Variants in MYSM1 observed in about 807,000 individuals in gnomAD.
MYSM1 encodes the protein Myb like, SWIRM and MPN domains 1, also known as deubiquitinase MYSM1.
In MYSM1, 51 loss-of-function variants were observed where a neutral mutation model predicts 116.0. That is an observed-to-expected ratio of 0.44 (90% confidence interval 0.35 to 0.56). The LOEUF (loss-of-function observed/expected upper bound fraction) is 0.56. MYSM1 is among the 20% of genes least tolerant of loss of function. The pLI, the probability that MYSM1 is intolerant of heterozygous loss-of-function variation, is 0.00. For synonymous variants in MYSM1, 313 were observed against 315.2 expected, an observed-to-expected ratio of 0.99 and a Z score of 0.07; for missense variants, 900 against 974.9, an observed-to-expected ratio of 0.92 and a Z score of 1.02.
chr1:58,664,522 C>T lies in MYSM1; in HGVS notation c.2164+977G>A, dbSNP rs144600948. 4.8e-3 allele frequency among the ~76,000 whole-genome samples: 731 copies of T among 152,132 alleles called. 8 individuals carry two copies. Among genetic ancestry groups the T allele is most frequent in the African/African-American group, 0.016 (682 of 41,498 alleles). The stretch of plus-strand genomic sequence containing the variant: ...TAAATTGCATTAAAAGACAAAGTGA[C>T]CATGAAGGCAGGAATAAAGTGTTGC... On this transcript the variant is annotated intron_variant, in intron 17 of 19. Transcript: ENST00000472487.
chr1:58,695,408 C>A (rs1442165342), intron 1 of MYSM1, among the ~76,000 whole-genome samples: 4 of 152,174 alleles, frequency 2.6e-5, no homozygotes, highest in African/African-American at 9.7e-5. Flanking sequence ...TGCTAAGCTA[C>A]CCCATCTCAA....
rs1644485865 is a variant in MYSM1 at position 58,667,110 on chromosome 1, T to C, written c.1959A>G (p.Gly653=). The change falls in exon 16 of 20, where the codon GGA becomes GGG. Residue 653 remains glycine (G), a synonymous_variant. Coordinates refer to ENST00000472487, the MANE Select transcript of MYSM1 (RefSeq NM_001085487.3). ...CAAAAGCAGGATGAGAATGATACCATCCAATAACACTGAAGCCTCTAACAG... is the reference window on the plus strand; with the variant it reads ...CAAAAGCAGGATGAGAATGATACCACCCAATAACACTGAAGCCTCTAACAG... ...TLAVRGFSVI[G]WYHSHPAFDP... 2 of 1,613,738 alleles carry C rather than the reference T, an allele frequency of 1.2e-6. No homozygotes were observed. The highest frequency in any genetic ancestry group is 2.2e-5 in the East Asian group (1 of 44,842).
intron 12 of MYSM1, among the ~76,000 whole-genome samples, chr1:58,669,551 G>A (rs928639678): frequency 6.6e-6 from 1 of 152,148 alleles, no homozygotes; most frequent in Non-Finnish European, 1.5e-5. Flanking sequence ...AAGTGGCCAG[G>A]TGCAGTGGCT....
chr1:58,674,336 G>A (rs1644611015), intron 10 of MYSM1, among the ~76,000 whole-genome samples: 1 of 152,138 alleles, frequency 6.6e-6, no homozygotes, highest in Non-Finnish European at 1.5e-5. Flanking sequence ...ATCAAATAAT[G>A]AGAAATTACA....
chr1:58,687,298 T>C (rs1266910659), intron 6 of MYSM1, among the ~76,000 whole-genome samples: 1 of 152,128 alleles, frequency 6.6e-6, no homozygotes, highest in African/African-American at 2.4e-5. Context: ...TATGGACAAA[T>C]ATCTCTGGAA....
intron 10 of MYSM1, 130 bp from the exon 11 acceptor site, chr1:58,673,780 T>C: frequency 1.4e-6 from 1 of 720,906 alleles, no homozygotes; most frequent in Non-Finnish European, 2.3e-6. Flanking sequence ...TAGTATAACC[T>C]CTGGCAATGA....
intron 1 of MYSM1, among the ~76,000 whole-genome samples, chr1:58,698,102 A>ATATATTTTTTTTTTTTT: frequency 2.6e-4 from 2 of 7,770 alleles, no homozygotes; most frequent in Non-Finnish European, 3.6e-4. Context: ...ATATATATAT[A>ATATATTTTTTTTTTTTT]TTTTTTTTTT....
chr1:58,670,184 C>G (rs550394001), intron 12 of MYSM1, among the ~76,000 whole-genome samples: 3 of 152,250 alleles, frequency 2.0e-5, no homozygotes, highest in Admixed American at 2.0e-4. Flanking sequence ...TTCAAAGATA[C>G]TTGTTGAATA....
At chr1:58,685,761 C>T (rs931347367) in intron 6 of MYSM1, among the ~76,000 whole-genome samples, 1 of 152,082 alleles carries the variant, frequency 6.6e-6, no homozygotes, top group Non-Finnish European at 1.5e-5. Flanking sequence ...AAGACTAAAT[C>T]GATTAAATCA....
intron 3 of MYSM1, among the ~76,000 whole-genome samples, chr1:58,691,735 T>G (rs1644908569): frequency 6.6e-6 from 1 of 151,888 alleles, no homozygotes; most frequent in African/African-American, 2.4e-5. Context: ...GGTGTGGTGG[T>G]GTGCGCCCAT....
intron 1 of MYSM1, among the ~76,000 whole-genome samples, chr1:58,698,441 C>G (rs186511007): frequency 6.6e-6 from 1 of 151,976 alleles, no homozygotes; most frequent in East Asian, 2.0e-4. Flanking sequence ...TTGTATAAGA[C>G]AATAATTGTA....
Position 58,654,933 on chromosome 1 carries a change from C to CA in MYSM1, c.*5063dup, listed in dbSNP as rs1467850521. ...TATTTACAACATTTTTAAATACAGA[C>CA]ATATACAACATGGCATATTTAAATG... On this transcript the variant is annotated 3_prime_UTR_variant, in exon 20 of 20. Coordinates refer to ENST00000472487, the MANE Select transcript of MYSM1 (RefSeq NM_001085487.3). 1 of 152,036 alleles carries CA rather than the reference C, an allele frequency of 6.6e-6. No individual in the cohort carries two copies. The highest frequency in any genetic ancestry group is 1.5e-5 in the Non-Finnish European group (1 of 67,972). The allele number at this position is 152,036 out of a possible 1,614,324, so 9.4% of individuals were successfully genotyped here. A position where few individuals can be genotyped will look rare whatever the true frequency, so the allele number is the denominator to read the frequency against.
Position 58,695,193 on chromosome 1 carries a change from G to GT in MYSM1, c.82dup (p.Thr28AsnfsTer12). On this transcript the variant is annotated frameshift_variant, in exon 2 of 20. Coordinates refer to ENST00000472487, the MANE Select transcript of MYSM1 (RefSeq NM_001085487.3). LOFTEE classifies it high-confidence loss of function. ...GTGATCTTTTTGTAAAACTGATGCT[G>GT]TATTTTCACCACTTCTGTAATAATT... is the stretch of plus-strand genomic sequence containing the variant. 1 of 1,599,304 alleles carries GT rather than the reference G, an allele frequency of 6.3e-7. No individual in the cohort carries two copies. The highest frequency in any genetic ancestry group is 8.6e-7 in the Non-Finnish European group (1 of 1,167,384).
chr1:58,695,455 G>A (rs966301128), intron 1 of MYSM1, among the ~76,000 whole-genome samples: 8 of 152,072 alleles, frequency 5.3e-5, no homozygotes, highest in African/African-American at 1.7e-4. Context: ...ACTTCTTTTG[G>A]TTCTCGAGAA....
chr1:58,665,496 T>G lies in MYSM1; in HGVS notation c.2164+3A>C. Reference sequence around the variant, plus strand: ...GATAAAGTTATTTTTGTTGAAAACTTACGATAAGAGCCATCTGGGCTAATT... The same window carrying G: ...GATAAAGTTATTTTTGTTGAAAACTGACGATAAGAGCCATCTGGGCTAATT... On this transcript the variant is annotated splice_donor_region_variant and intron_variant, in intron 17 of 19. Transcript: ENST00000472487. 6.3e-7 allele frequency: 1 copy of G among 1,581,446 alleles called. No individual in the cohort carries two copies. The highest frequency in any genetic ancestry group is 8.6e-7 in the Non-Finnish European group (1 of 1,165,388).
At position 58,655,615 on chromosome 1, in the gene MYSM1, T is replaced by A. The variant is rs1644309604; in HGVS notation, c.*4382A>T. On this transcript the variant is annotated 3_prime_UTR_variant, in exon 20 of 20. Transcript: ENST00000472487. The stretch of plus-strand genomic sequence containing the variant: ...AAAAAGAAAATAGAGAAAGCAGAAT[T>A]TGGGGGAATAGCACATGAAGCCATT... 1 of 152,122 alleles carries A rather than the reference T, an allele frequency of 6.6e-6. No homozygotes were observed. Among genetic ancestry groups the A allele is most frequent in the Non-Finnish European group, 1.5e-5 (1 of 68,016 alleles). The allele number at this position is 152,122 out of a possible 1,614,324, so 9.4% of individuals were successfully genotyped here. A position where few individuals can be genotyped will look rare whatever the true frequency, so the allele number is the denominator to read the frequency against.
At chr1:58,685,808 T>C (rs1382337727) in intron 6 of MYSM1, among the ~76,000 whole-genome samples, 1 of 152,226 alleles carries the variant, frequency 6.6e-6, no homozygotes, top group Non-Finnish European at 1.5e-5. Context: ...TCTTCTTTGT[T>C]AAGATGTTAT....
chr1:58,685,082 TAAAG>T, intron 7 of MYSM1, 67 bp downstream of exon 7: 1 of 1,282,900 alleles, frequency 7.8e-7, no homozygotes, highest in Non-Finnish European at 1.1e-6. Context: ...ATGCCTGAAT[TAAAG>T]AAATACTTCT....
intron 11 of MYSM1, among the ~76,000 whole-genome samples, chr1:58,673,293 G>A (rs892186588): frequency 6.6e-5 from 10 of 152,098 alleles, no homozygotes; most frequent in African/African-American, 2.4e-5. Context: ...TTAATGAAAC[G>A]AATTGGGCAT....
Sources: gnomAD v4.1 joint callset for allele counts (sites outside exome capture counted in the v4.1 genomes callset) on GRCh38, gnomAD v4.1.1 for gene constraint, MANE v1.5 for transcripts, NCBI Gene and HGNC (gene_info 2026-07-23, HGNC 2026-07-21) for gene names.